The following VPS35L variants were observed in gnomAD, a reference collection of about 807,000 sequenced individuals.
VPS35L encodes the protein VPS35 endosomal protein-sorting factor-like.
Under a neutral mutation model 133.0 loss-of-function variants are expected in VPS35L, and 83 were observed. That is an observed-to-expected ratio of 0.62 (90% confidence interval 0.52 to 0.75). The LOEUF (loss-of-function observed/expected upper bound fraction) is 0.75, where lower values mean the gene tolerates loss of function less well. Among genes scored for constraint, VPS35L ranks in the 30% least tolerant of loss-of-function variants. The probability of loss-of-function intolerance (pLI) is 0.00; values close to 1 mark genes in which losing one functional copy is unlikely to be tolerated. For missense variants in VPS35L, 1,083 were observed against 1,206.8 expected, an observed-to-expected ratio of 0.90 and a Z score of 1.52; for synonymous variants, 423 against 449.9, an observed-to-expected ratio of 0.94 and a Z score of 0.76.
intron 27 of VPS35L, 54 bp downstream of exon 27, chr16:19,669,353 ATAT>A: frequency 6.5e-7 from 1 of 1,547,604 alleles, no homozygotes. Context: ...CTGCCTTATA[ATAT>A]TATATGTGTT....
At chr16:19,587,126 G>T (rs1446987242) in intron 7 of VPS35L, among the ~76,000 whole-genome samples, 1 of 152,070 alleles carries the variant, frequency 6.6e-6, no homozygotes, top group East Asian at 1.9e-4. Flanking sequence ...ACAGGGAGGT[G>T]ACACAGGTTT....
chr16:19,628,620 T>C lies in VPS35L; in HGVS notation c.1384-17T>C. On this transcript the variant is annotated splice_polypyrimidine_tract_variant and intron_variant, in intron 16 of 30. Coordinates refer to ENST00000417362, the MANE Select transcript of VPS35L (RefSeq NM_020314.7). Reference sequence around the variant, plus strand: ...ATTTAAAATTTCCATAACATGATGGTTTGACATGTTTCTTAGCATCTTCTT... The same window carrying C: ...ATTTAAAATTTCCATAACATGATGGCTTGACATGTTTCTTAGCATCTTCTT... 7.3e-7 allele frequency: 1 copy of C among 1,369,732 alleles called. No individual in the cohort carries two copies. Among genetic ancestry groups the C allele is most frequent in the Non-Finnish European group, 1.0e-6 (1 of 970,030 alleles). 84.8% of individuals were successfully genotyped at this position (1,369,732 alleles called of 1,614,324 possible).
At chr16:19,561,955 A>G (rs1488454296) in intron 1 of VPS35L, among the ~76,000 whole-genome samples, 1 of 152,048 alleles carries the variant, frequency 6.6e-6, no homozygotes, top group Non-Finnish European at 1.5e-5. Flanking sequence ...AAAAATACAA[A>G]AATTAGCCGG....
intron 19 of VPS35L, among the ~76,000 whole-genome samples, chr16:19,636,245 T>C (rs767592975): frequency 2.6e-5 from 4 of 152,210 alleles, no homozygotes; most frequent in Non-Finnish European, 5.9e-5. Context: ...TTACAAATTC[T>C]ATCATTAAAT....
intron 19 of VPS35L, among the ~76,000 whole-genome samples, chr16:19,637,124 G>A (rs1973645653): frequency 2.0e-5 from 3 of 152,236 alleles, no homozygotes; most frequent in Admixed American, 6.5e-5. Context: ...GGCAATGGCT[G>A]CTTTTGCACT....
In VPS35L at chr16:19,643,832, C is replaced by T. The variant is rs915531115; in HGVS notation, c.1866-1054C>T. Among the ~76,000 whole-genome samples the T allele has an allele frequency of 2.6e-5, 4 of 151,896 alleles. 1 individual carries two copies. The highest frequency in any genetic ancestry group is 2.6e-4 in the Admixed American group (4 of 15,260). ...AATTAGCTGGGCGCCTTGGAACGTG[C>T]CTGTAATCCCAGCTACTTGGGAGGC... On this transcript the variant is annotated intron_variant, in intron 22 of 30. Transcript: ENST00000417362.
intron 26 of VPS35L, among the ~76,000 whole-genome samples, chr16:19,654,468 A>G (rs34729243): frequency 0.058 from 8,742 of 151,836 alleles, 495 homozygotes; most frequent in African/African-American, 0.14. Flanking sequence ...CTGAGGCACA[A>G]CAATCGCATG....
At chr16:19,604,311 A>C (rs985326353) in intron 9 of VPS35L, among the ~76,000 whole-genome samples, 1 of 152,118 alleles carries the variant, frequency 6.6e-6, no homozygotes, top group Non-Finnish European at 1.5e-5. Flanking sequence ...CAGTGACTAT[A>C]CAAACAACAT....
At chr16:19,617,041 A>G in intron 14 of VPS35L, 1 of 659,352 alleles carries the variant, frequency 1.5e-6, no homozygotes, top group Non-Finnish European at 2.7e-6. Context: ...GAGGCCATGT[A>G]CCTAAGTGAG....
chr16:19,699,557 A>G lies in VPS35L; in HGVS notation c.2702A>G (p.His901Arg), dbSNP rs767918312. The change falls in exon 30 of 31, where the codon CAT (histidine) becomes CGT (arginine). Residue 901 changes from histidine (H) to arginine (R), a missense_variant. Physicochemically the swap from His to Arg is conservative, Grantham distance 29 (BLOSUM62 0). Transcript: ENST00000417362. This position sits in a 1 kb window ranked among gnomAD's most constrained non-coding sequence, Gnocchi z 4.2. ...TCCTTCTTTAACAGCATCTTGGCCC[A>G]TGGGGACCTACGCAACAACAAGCTC... ...GLSFFNSILA[H>R]GDLRNNKLNQ... 3 of 1,614,070 alleles carry G rather than the reference A, an allele frequency of 1.9e-6. No individual in the cohort carries two copies. The highest frequency in any genetic ancestry group is 1.7e-5 in the Admixed American group (1 of 60,000).
chr16:19,623,414 C>A (rs899647962), intron 14 of VPS35L, among the ~76,000 whole-genome samples: 3 of 152,058 alleles, frequency 2.0e-5, no homozygotes, highest in African/African-American at 7.2e-5. Flanking sequence ...GGAGGTTAGT[C>A]CTGTGGGATT....
In VPS35L at chr16:19,677,606, G is replaced by C. The variant is rs138077159; in HGVS notation, c.2362-4619G>C. Among the ~76,000 whole-genome samples the C allele has an allele frequency of 2.4e-3, 359 of 152,296 alleles. 2 individuals are homozygous for C. The highest frequency in any genetic ancestry group is 7.9e-3 in the African/African-American group (330 of 41,562). On this transcript the variant is annotated intron_variant, in intron 27 of 30. Transcript: ENST00000417362. The stretch of plus-strand genomic sequence containing the variant: ...AGGTGGGAAGCGGCACTGTGCTCCA[G>C]AGGGACTGGAGGAGAGCCAGAGTGA...
At chr16:19,691,235 C>T in intron 28 of VPS35L, 118 bp from the exon 29 acceptor site, 1 of 788,502 alleles carries the variant, frequency 1.3e-6, no homozygotes. Context: ...CTTCCATGTG[C>T]CCTGCCACGA....
At chr16:19,641,829 C>G (rs1282170109) in intron 21 of VPS35L, among the ~76,000 whole-genome samples, 1 of 152,100 alleles carries the variant, frequency 6.6e-6, no homozygotes, top group Non-Finnish European at 1.5e-5. Context: ...TGCCCTTAGC[C>G]CACCTGGTTT....
chr16:19,578,033 A>T (rs1971588402), intron 5 of VPS35L, among the ~76,000 whole-genome samples: 1 of 152,240 alleles, frequency 6.6e-6, no homozygotes, highest in South Asian at 2.1e-4. Context: ...TACTAGGGGT[A>T]TCCCCAGATC....
At position 19,639,979 on chromosome 16, in the gene VPS35L, T is replaced by G. The variant is rs771605110; in HGVS notation, c.1699-36T>G. The G allele has an allele frequency of 4.0e-5, 62 of 1,543,350 alleles. No individual in the cohort carries two copies. Among genetic ancestry groups the G allele is most frequent in the Non-Finnish European group, 5.4e-5 (60 of 1,117,806 alleles). On this transcript the variant is annotated intron_variant, in intron 20 of 30. Coordinates refer to ENST00000417362, the MANE Select transcript of VPS35L (RefSeq NM_020314.7). This position sits in a 1 kb window ranked among gnomAD's most constrained non-coding sequence, Gnocchi z 4.1. Reference sequence around the variant, plus strand: ...CAGATTCCTTCCTTCCAATAACTTGTGTCATTTGCATATAGAGTGCTTGCT... The same window carrying G: ...CAGATTCCTTCCTTCCAATAACTTGGGTCATTTGCATATAGAGTGCTTGCT...
chr16:19,610,843 A>C (rs1002060958), intron 12 of VPS35L, among the ~76,000 whole-genome samples: 9 of 152,106 alleles, frequency 5.9e-5, no homozygotes, highest in Non-Finnish European at 1.3e-4. Context: ...GGCAGGCCTC[A>C]GGGTCTGTGT....
At chr16:19,609,103 A>G (rs1972627109) in intron 11 of VPS35L, 82 bp downstream of exon 11, 1 of 1,188,374 alleles carries the variant, frequency 8.4e-7, no homozygotes, top group African/African-American at 1.5e-5. Context: ...GCAATGTAAT[A>G]GTAGCCATTA....
chr16:19,635,473 G>A (rs1348209229), intron 19 of VPS35L, among the ~76,000 whole-genome samples: 2 of 152,168 alleles, frequency 1.3e-5, no homozygotes, highest in African/African-American at 2.4e-5. Flanking sequence ...CTAAAGAGAC[G>A]TGAAAATGGA....
Sources: gnomAD v4.1 joint callset for allele counts (sites outside exome capture counted in the v4.1 genomes callset) on GRCh38, gnomAD v4.1.1 for gene constraint, Gnocchi (gnomAD v3.1) non-coding constraint, MANE v1.5 for transcripts, NCBI Gene and HGNC (gene_info 2026-07-23, HGNC 2026-07-21) for gene names.